Variants in AFAP1 observed in about 807,000 individuals in gnomAD.
The protein encoded by AFAP1 is actin filament associated protein 1.
Under a neutral mutation model 93.9 loss-of-function variants are expected in AFAP1, and 75 were observed. The ratio of observed to expected loss-of-function variants is 0.80; its 90% CI spans 0.66 to 0.97. The LOEUF (loss-of-function observed/expected upper bound fraction) is 0.97. Ranked by LOEUF, AFAP1 falls within the 50% of genes least tolerant of loss-of-function variation. The pLI is 0.00. For missense variants in AFAP1, 1,201 were observed against 1,050.8 expected (o/e 1.14, Z -1.98); for synonymous variants, 517 against 430.7 (o/e 1.20, Z -2.48).
Position 7,800,437 on chromosome 4 carries a change from C to T in AFAP1, c.1266+5G>A. The T allele has an allele frequency of 1.2e-6, 2 of 1,614,002 alleles. No homozygotes were observed. The highest frequency in any genetic ancestry group is 1.7e-6 in the Non-Finnish European group (2 of 1,179,950). ...GTGGAGTACAGCCCCTGGGAAATAT[C>T]CTACCTCCAATACTGCAACCTCCTG... On this transcript the variant is annotated splice_donor_5th_base_variant and intron_variant, in intron 10 of 17. Transcript: ENST00000420658.
chr4:7,782,011 C>T (rs1716821284), intron 12 of AFAP1, among the ~76,000 whole-genome samples: 1 of 152,142 alleles, frequency 6.6e-6, no homozygotes, highest in South Asian at 2.1e-4. Flanking sequence ...TTCAGAAGTT[C>T]TCCTAGCGCA....
At chr4:7,819,393 A>C (rs1166065152) in intron 6 of AFAP1, among the ~76,000 whole-genome samples, 1 of 152,226 alleles carries the variant, frequency 6.6e-6, no homozygotes, top group African/African-American at 2.4e-5. Context: ...AGGGCATGGA[A>C]CATGCAACTA....
At chr4:7,859,286 G>T (rs970244103) in intron 3 of AFAP1, among the ~76,000 whole-genome samples, 17 of 152,114 alleles carry the variant, frequency 1.1e-4, no homozygotes, top group African/African-American at 4.1e-4. Context: ...GAGTGTGGTG[G>T]TGGGCACCTG....
intron 6 of AFAP1, among the ~76,000 whole-genome samples, chr4:7,833,613 G>A (rs1711901601): frequency 7.4e-6 from 1 of 136,044 alleles, no homozygotes; most frequent in Non-Finnish European, 1.6e-5. Context: ...TTTTTAGATG[G>A]AGTCTTGCCC....
intron 2 of AFAP1, among the ~76,000 whole-genome samples, chr4:7,871,617 G>A (rs1016279566): frequency 6.6e-6 from 1 of 152,208 alleles, no homozygotes. Flanking sequence ...GTCGGACTGT[G>A]CATCCTCACT....
Position 7,781,449 on chromosome 4 carries a change from T to G in AFAP1, c.1709A>C (p.Lys570Thr). The G allele has an allele frequency of 6.4e-7, 1 of 1,552,008 alleles. No individual in the cohort carries two copies. The highest frequency in any genetic ancestry group is 1.2e-5 in the South Asian group (1 of 84,040). The part of the protein sequence containing the change: ...SADKLSSNHY[K>T]YPASAQSVTN... ...GACAGACTGAGCGGAGGCAGGGTAT[T>G]TGTAATGGTTAGAGGACAGCTTGTC... Residue 570 changes from lysine (K) to threonine (T), a missense_variant, in exon 13 of 18, where the codon AAA (lysine) becomes ACA (threonine). Physicochemically the swap from Lys to Thr is moderately conservative, Grantham distance 78. Coordinates refer to ENST00000420658, the MANE Select transcript of AFAP1 (RefSeq NM_001134647.2).
At chr4:7,893,332 A>G (rs1577340052) in intron 1 of AFAP1, among the ~76,000 whole-genome samples, 2 of 152,198 alleles carry the variant, frequency 1.3e-5, no homozygotes, top group African/African-American at 4.8e-5. Context: ...TGTAATCCCA[A>G]CACTTTGGGA....
intron 1 of AFAP1, among the ~76,000 whole-genome samples, chr4:7,910,607 T>C (rs1166605216): frequency 6.6e-6 from 1 of 151,672 alleles, no homozygotes; most frequent in Non-Finnish European, 1.5e-5. Context: ...ACAGCGGGAG[T>C]AACAGACCAA....
intron 3 of AFAP1, chr4:7,862,159 C>T (rs987804298): frequency 6.6e-6 from 1 of 152,044 alleles, no homozygotes; most frequent in African/African-American, 2.4e-5. Flanking sequence ...ATGGAAAAAC[C>T]CCGTCTCCAC....
chr4:7,825,667 G>C (rs941720747), intron 6 of AFAP1, among the ~76,000 whole-genome samples: 2 of 152,048 alleles, frequency 1.3e-5, no homozygotes, highest in Non-Finnish European at 2.9e-5. Flanking sequence ...CTAAGTGTAC[G>C]CTTCAGGAAG....
At chr4:7,902,210 C>T (rs1224340905) in intron 1 of AFAP1, among the ~76,000 whole-genome samples, 1 of 152,158 alleles carries the variant, frequency 6.6e-6, no homozygotes, top group Non-Finnish European at 1.5e-5. Flanking sequence ...CAGTTCTCAG[C>T]GGGCTTCCCG....
chr4:7,766,301 G>GC (rs1316547701), intron 17 of AFAP1, among the ~76,000 whole-genome samples: 1 of 152,194 alleles, frequency 6.6e-6, no homozygotes, highest in Admixed American at 6.5e-5. Context: ...CCAGGGGACA[G>GC]CATCACAAGG....
rs928378154 is a variant in AFAP1, at chr4:7,759,282, C to T, written c.*4483G>A. 11 of 152,604 alleles carry T rather than the reference C, an allele frequency of 7.2e-5. No homozygotes were observed. The highest frequency in any genetic ancestry group is 2.2e-4 in the African/African-American group (9 of 41,444). The allele number at this position is 152,604 out of a possible 1,614,324, so 9.5% of individuals were successfully genotyped here. On this transcript the variant is annotated 3_prime_UTR_variant, in exon 18 of 18. Coordinates refer to ENST00000420658, the MANE Select transcript of AFAP1 (RefSeq NM_001134647.2). Reference sequence around the variant, plus strand: ...CTTCCATGGCTACACTAAAAAGACCCGGTAACACTTGTGCACGGTGAAGTT... The same window carrying T: ...CTTCCATGGCTACACTAAAAAGACCTGGTAACACTTGTGCACGGTGAAGTT...
chr4:7,779,816 A>G (rs1026957885), intron 13 of AFAP1, among the ~76,000 whole-genome samples: 1 of 152,248 alleles, frequency 6.6e-6, no homozygotes, highest in African/African-American at 2.4e-5. Flanking sequence ...CATATGGCAC[A>G]TAAGTGCTCA....
At chr4:7,860,726 C>G (rs1715578517) in intron 3 of AFAP1, among the ~76,000 whole-genome samples, 1 of 152,194 alleles carries the variant, frequency 6.6e-6, no homozygotes, top group African/African-American at 2.4e-5. Context: ...AGCCTCAGCA[C>G]CTACCACACA....
chr4:7,861,284 G>T (rs976047857), intron 3 of AFAP1, among the ~76,000 whole-genome samples: 3 of 152,184 alleles, frequency 2.0e-5, no homozygotes, highest in Non-Finnish European at 4.4e-5. Context: ...GCACCCTACG[G>T]CATTCATGCC....
At chr4:7,797,047 G>A (rs1204980488) in intron 10 of AFAP1, among the ~76,000 whole-genome samples, 1 of 138,776 alleles carries the variant, frequency 7.2e-6, no homozygotes, top group African/African-American at 2.8e-5. Context: ...ATGACAGAGT[G>A]AGACCTTGTC....
At chr4:7,922,445 G>A (rs981836611) in intron 1 of AFAP1, among the ~76,000 whole-genome samples, 6 of 152,200 alleles carry the variant, frequency 3.9e-5, no homozygotes, top group East Asian at 3.8e-4. Context: ...AAGATTTAAG[G>A]AGGTAGAAGT....
At chr4:7,862,706 C>T (rs1010119673) in intron 3 of AFAP1, among the ~76,000 whole-genome samples, 2 of 152,174 alleles carry the variant, frequency 1.3e-5, no homozygotes, top group Non-Finnish European at 2.9e-5. Flanking sequence ...AATTAAGTTG[C>T]TCCCTCTGCT....
Sources: gnomAD v4.1 joint callset for allele counts (sites outside exome capture counted in the v4.1 genomes callset) on GRCh38, gnomAD v4.1.1 for gene constraint, MANE v1.5 for transcripts, NCBI Gene and HGNC (gene_info 2026-07-23, HGNC 2026-07-21) for gene names.